The following ZNF217 variants were observed in gnomAD, a reference collection of about 807,000 sequenced individuals.
The protein encoded by ZNF217 is zinc finger protein 217.
A neutral mutation model predicts 73.3 loss-of-function variants in ZNF217; 12 were observed. That is an observed-to-expected ratio of 0.16 (90% CI 0.10 to 0.27). The LOEUF (loss-of-function observed/expected upper bound fraction) is 0.27, where lower values mean the gene tolerates loss of function less well. Among genes scored for constraint, ZNF217 ranks in the 10% least tolerant of loss-of-function variants. ZNF217 has a pLI of 1.00. For missense variants in ZNF217, 1,195 were observed against 1,327.8 expected (o/e 0.90, Z 1.55); for synonymous variants, 588 against 516.4 (o/e 1.14, Z -1.88).
chr20:53,579,910 A>G (rs998738578), intron 2 of ZNF217, among the ~76,000 whole-genome samples: 7 of 152,208 alleles, frequency 4.6e-5, no homozygotes, highest in Non-Finnish European at 8.8e-5. Flanking sequence ...GCTCCCACCC[A>G]CAGCCAGGCA....
In ZNF217 at chr20:53,581,833, CCTT is replaced by C; in HGVS notation, c.991_993del (p.Lys331del). 1 of 1,614,240 alleles carries C rather than the reference CCTT, an allele frequency of 6.2e-7. No homozygotes were observed. The highest frequency in any genetic ancestry group is 8.5e-7 in the Non-Finnish European group (1 of 1,180,042). On this transcript the variant is annotated inframe_deletion, in exon 2 of 6. Transcript: ENST00000371471. This position sits in a 1 kb window ranked among gnomAD's most constrained non-coding sequence, Gnocchi z 4.9. The stretch of plus-strand genomic sequence containing the variant: ...CTGCCCTTATTTGTTTCTCCAAGCT[CCTT>C]CTCGGAACTCGAATCGTCGTTGTCG...
intron 2 of ZNF217, among the ~76,000 whole-genome samples, chr20:53,580,458 T>C (rs1268475956): frequency 6.6e-6 from 1 of 152,162 alleles, no homozygotes; most frequent in African/African-American, 2.4e-5. Context: ...TTTTCAACTG[T>C]TTTAAGCAGC....
In ZNF217 at chr20:53,582,735, G is replaced by A. The variant is rs373514116; in HGVS notation, c.92C>T (p.Pro31Leu). ...PEVIGSSLGS[P>L]MEMEDALSMK... ...TGACAAGGCATCCTCCATCTCCATC[G>A]GACTGCCAAGAGAGCTGCCAATCAC... is the stretch of plus-strand genomic sequence containing the variant. Residue 31 changes from proline to leucine, a missense_variant, in exon 2 of 6, where the codon CCG (proline) becomes CTG (leucine). By Grantham distance (98) the Pro-to-Leu change is moderately conservative (BLOSUM62 -3). Coordinates refer to ENST00000371471, the MANE Select transcript of ZNF217 (RefSeq NM_006526.3). This position sits in a 1 kb window ranked among gnomAD's most constrained non-coding sequence, Gnocchi z 4.8. The A allele has an allele frequency of 7.4e-6, 12 of 1,613,920 alleles. No homozygotes were observed. In the African/African-American group the frequency reaches 1.2e-4, roughly 16 times the overall value.
At chr20:53,585,326 G>A (rs1441633337) in intron 1 of ZNF217, among the ~76,000 whole-genome samples, 2 of 152,130 alleles carry the variant, frequency 1.3e-5, no homozygotes, top group African/African-American at 2.4e-5. Flanking sequence ...TTGGGAAGCC[G>A]AAGTGGGTGG....
chr20:53,590,293 G>A (rs543353652), intron 1 of ZNF217, among the ~76,000 whole-genome samples: 4 of 152,152 alleles, frequency 2.6e-5, no homozygotes, highest in South Asian at 4.1e-4. Flanking sequence ...TAAACATTCC[G>A]CTCAGGGATT....
At chr20:53,571,674 C>T in intron 5 of ZNF217, 47 bp downstream of exon 5, 2 of 1,569,738 alleles carry the variant, frequency 1.3e-6, no homozygotes, top group South Asian at 1.2e-5. Flanking sequence ...CCCAAATGGC[C>T]ACCGCACTCA....
At chr20:53,573,879 T>C (rs1988125359) in intron 4 of ZNF217, among the ~76,000 whole-genome samples, 1 of 152,160 alleles carries the variant, frequency 6.6e-6, no homozygotes, top group African/African-American at 2.4e-5. Flanking sequence ...GAGACCAGCC[T>C]GACCAACATG....
At chr20:53,594,125 G>A (rs1988989384), upstream of ZNF217, among the ~76,000 whole-genome samples, 1 of 150,804 alleles carries the variant, frequency 6.6e-6, no homozygotes, top group Non-Finnish European at 1.5e-5. Context: ...CGGGGCTAAG[G>A]TGAGCGGGGC....
rs1987871430 is a variant in ZNF217 at position 53,569,077 on chromosome 20, T to C, written c.*211A>G. 1 of 1,222,974 alleles carries C rather than the reference T, an allele frequency of 8.2e-7. No homozygotes were observed. Among genetic ancestry groups the C allele is most frequent in the African/African-American group, 1.6e-5 (1 of 62,312 alleles). The allele number at this position is 1,222,974 out of a possible 1,614,324, so 75.8% of individuals were successfully genotyped here. On this transcript the variant is annotated 3_prime_UTR_variant, in exon 6 of 6. Coordinates refer to ENST00000371471, the MANE Select transcript of ZNF217 (RefSeq NM_006526.3). ...TGTAAGTTCCAACTGTTCCAACTAG[T>C]TTGTATTGCTATTTGGTACAAAAGT...
chr20:53,590,776 G>A (rs1988851668), intron 1 of ZNF217, among the ~76,000 whole-genome samples: 1 of 152,176 alleles, frequency 6.6e-6, no homozygotes, highest in Non-Finnish European at 1.5e-5. Context: ...TGATTAGCAT[G>A]TATCTGCAAT....
upstream of ZNF217, among the ~76,000 whole-genome samples, chr20:53,596,830 G>A (rs867306430): frequency 6.6e-5 from 10 of 151,986 alleles, 1 homozygote; most frequent in Admixed American, 1.3e-4. Flanking sequence ...GAGAAGCTCT[G>A]CACATGGTAC....
chr20:53,582,291 T>C lies in ZNF217; in HGVS notation c.536A>G (p.Asn179Ser). 2 of 1,614,186 alleles carry C rather than the reference T, an allele frequency of 1.2e-6. No individual in the cohort carries two copies. Among genetic ancestry groups the C allele is most frequent in the Non-Finnish European group, 8.5e-7 (1 of 1,180,020 alleles). Reference sequence around the variant, plus strand: ...TTTGCTTCTGGCCCCCGATTTGCCATTATGTGTCCGCATGTGATTTTTAAG... The same window carrying C: ...TTTGCTTCTGGCCCCCGATTTGCCACTATGTGTCCGCATGTGATTTTTAAG... The part of the protein sequence containing the change: ...WFLKNHMRTH[N>S]GKSGARSKLQ... Residue 179 changes from asparagine to serine, a missense_variant, in exon 2 of 6, where the codon AAT (asparagine) becomes AGT (serine). Transcript: ENST00000371471. The surrounding 1 kb of genome is among the most constrained non-coding windows in gnomAD (Gnocchi z 4.8).
At chr20:53,592,665 G>C (rs1264103168) in intron 1 of ZNF217, among the ~76,000 whole-genome samples, 2 of 151,740 alleles carry the variant, frequency 1.3e-5, no homozygotes, top group African/African-American at 2.4e-5. Context: ...CTTGCCCCTC[G>C]GGCGGGACCG....
intron 4 of ZNF217, 56 bp from the exon 5 acceptor site, chr20:53,571,909 G>A (rs1262708886): frequency 1.3e-5 from 20 of 1,522,142 alleles, no homozygotes; most frequent in Non-Finnish European, 1.8e-5. Context: ...GGTAAGATGT[G>A]TATAGGTTTT....
chr20:53,575,534 CCA>C (rs767505914), intron 4 of ZNF217, 191 bp downstream of exon 4: 4 of 557,540 alleles, frequency 7.2e-6, no homozygotes, highest in African/African-American at 3.8e-5. Flanking sequence ...AGAGTTAAAC[CCA>C]CAGAGTTAAG....
chr20:53,572,731 ATC>A (rs1988068248), intron 4 of ZNF217: 1 of 152,202 alleles, frequency 6.6e-6, no homozygotes, highest in East Asian at 1.9e-4. Context: ...GCAAAACTGA[ATC>A]TGTTTCTTTG....
chr20:53,571,912 T>C lies in ZNF217; in HGVS notation c.3038-59A>G, dbSNP rs552790520. On this transcript the variant is annotated intron_variant, in intron 4 of 5. Transcript: ENST00000371471. ...GTCAAACAATTAGGTAAGATGTGTA[T>C]AGGTTTTTAGAAGTCAATTTTCAAA... 1.3e-5 allele frequency: 19 copies of C among 1,512,698 alleles called. No individual in the cohort carries two copies. In the African/African-American group the frequency reaches 1.6e-4, roughly 12 times the overall value. 93.7% of individuals were successfully genotyped at this position (1,512,698 alleles called of 1,614,324 possible). A position where few individuals can be genotyped will look rare whatever the true frequency, so the allele number is the denominator to read the frequency against.
rs924476940 is a variant in ZNF217, at chr20:53,568,493, C to T, written c.*795G>A. ...GAGAAAATGCTTGTCTGTAGACACACTCTCTTAAAAATCCTACAAGCCATC... is the reference window on the plus strand; with the variant it reads ...GAGAAAATGCTTGTCTGTAGACACATTCTCTTAAAAATCCTACAAGCCATC... On this transcript the variant is annotated 3_prime_UTR_variant, in exon 6 of 6. Coordinates refer to ENST00000371471, the MANE Select transcript of ZNF217 (RefSeq NM_006526.3). 4 of 152,152 alleles carry T rather than the reference C, an allele frequency of 2.6e-5. No homozygotes were observed. Among genetic ancestry groups the T allele is most frequent in the Non-Finnish European group, 1.5e-5 (1 of 68,040 alleles). 9.4% of individuals were successfully genotyped at this position (152,152 alleles called of 1,614,324 possible). A position where few individuals can be genotyped will look rare whatever the true frequency, so the allele number is the denominator to read the frequency against.
At chr20:53,596,359 A>G (rs1989041956), upstream of ZNF217, among the ~76,000 whole-genome samples, 1 of 152,218 alleles carries the variant, frequency 6.6e-6, no homozygotes, top group Non-Finnish European at 1.5e-5. Context: ...ATGTTTGAGC[A>G]AAGAATTACA....
Sources: allele counts gnomAD v4.1 joint callset (sites outside exome capture counted in the v4.1 genomes callset), GRCh38; gene constraint gnomAD v4.1.1; non-coding constraint Gnocchi (gnomAD v3.1); transcripts MANE v1.5; gene names NCBI Gene and HGNC (gene_info 2026-07-23, HGNC 2026-07-21).